DNAH5: variants seen among roughly 807,000 people sequenced by gnomAD.
The protein encoded by DNAH5 is dynein axonemal heavy chain 5.
In DNAH5, 372 loss-of-function variants were observed where a neutral mutation model predicts 518.2. That is an observed-to-expected ratio of 0.72 (90% CI 0.66 to 0.78). The LOEUF (loss-of-function observed/expected upper bound fraction) is 0.78, where lower values mean the gene tolerates loss of function less well. Ranked by LOEUF, DNAH5 falls within the 30% of genes least tolerant of loss-of-function variation. The pLI, the probability that DNAH5 is intolerant of heterozygous loss-of-function variation, is 0.00. For missense variants in DNAH5, 5,523 were observed against 5,687.0 expected (o/e 0.97, Z 0.93); for synonymous variants, 2,039 against 2,025.9 (o/e 1.01, Z -0.17).
At chr5:13,904,267 T>G (rs1336581494) in intron 12 of DNAH5, among the ~76,000 whole-genome samples, 1 of 150,782 alleles carries the variant, frequency 6.6e-6, no homozygotes, top group Admixed American at 6.6e-5. Flanking sequence ...AAAACAACAA[T>G]CAATGTAAAT....
rs183855834 is a variant in DNAH5 at position 13,717,136 on chromosome 5, T to G, written c.12705+179A>C. ...TGAGAAATAAAATAATAATCAAAATTTGATCAATTTTTCCTGAAATCAAGA... is the reference window on the plus strand; with the variant it reads ...TGAGAAATAAAATAATAATCAAAATGTGATCAATTTTTCCTGAAATCAAGA... On this transcript the variant is annotated intron_variant, in intron 73 of 78. Transcript: ENST00000265104. Among the ~76,000 whole-genome samples, 14 of 152,214 alleles carry G rather than the reference T, an allele frequency of 9.2e-5. 1 individual carries two copies. In the East Asian group the frequency reaches 1.4e-3, roughly 15 times the overall value.
At chr5:13,850,290 A>G (rs544785997) in intron 31 of DNAH5, among the ~76,000 whole-genome samples, 3 of 134,048 alleles carry the variant, frequency 2.2e-5, no homozygotes, top group African/African-American at 8.5e-5. Flanking sequence ...GCATGTATAT[A>G]CTAAACACTG....
intron 1 of DNAH5, among the ~76,000 whole-genome samples, chr5:13,987,918 C>T (rs767010061): frequency 6.6e-6 from 1 of 150,966 alleles, no homozygotes; most frequent in Non-Finnish European, 1.5e-5. Context: ...TCTACTTTTG[C>T]CTGTAGAAAA....
chr5:13,754,944 C>T (rs754165703), intron 61 of DNAH5, among the ~76,000 whole-genome samples: 1 of 151,828 alleles, frequency 6.6e-6, no homozygotes, highest in African/African-American at 2.4e-5. Context: ...GAGTTCAAGA[C>T]CAGCCTGACC....
chr5:13,913,597 T>C (rs1338186369), intron 11 of DNAH5, 146 bp downstream of exon 11: 1 of 977,630 alleles, frequency 1.0e-6, no homozygotes. Flanking sequence ...ACAAATCTAA[T>C]TTCTTTATTG....
chr5:13,932,019 C>A lies in DNAH5; in HGVS notation c.58-775G>T, dbSNP rs530986515. 7.2e-5 allele frequency: 11 copies of A among 152,368 alleles called. No homozygotes were observed. The East Asian group carries it at 2.1e-3, about 29-fold the overall frequency. The allele number at this position is 152,368 out of a possible 1,614,324, so 9.4% of individuals were successfully genotyped here. A position where few individuals can be genotyped will look rare whatever the true frequency, so the allele number is the denominator to read the frequency against. On this transcript the variant is annotated intron_variant, in intron 1 of 78. Coordinates refer to ENST00000265104, the MANE Select transcript of DNAH5 (RefSeq NM_001369.3). ...ACTGGTAGACGTTCAGCTTCCAATTCATTCTTGGAATAATACATTACCTTT... is the reference window on the plus strand; with the variant it reads ...ACTGGTAGACGTTCAGCTTCCAATTAATTCTTGGAATAATACATTACCTTT...
Position 13,844,862 on chromosome 5 carries a change from A to G in DNAH5, c.5246T>C (p.Ile1749Thr), listed in dbSNP as rs770108485. 9 of 1,614,214 alleles carry G rather than the reference A, an allele frequency of 5.6e-6. No individual in the cohort carries two copies. In the Admixed American group the frequency reaches 8.3e-5, roughly 15 times the overall value. Residue 1749 changes from isoleucine (I) to threonine (T), a missense_variant, in exon 32 of 79, where the codon ATT becomes ACT. Transcript: ENST00000265104. ...CTTTTCGTGGAACTTGACAGATTTA[A>G]TGTTGTCAAACACATTCAGCAAATG... The part of the protein sequence containing the change: ...QAHLLNVFDN[I>T]KSVKFHEKIY...
intron 1 of DNAH5, among the ~76,000 whole-genome samples, chr5:13,943,390 A>C: frequency 6.6e-6 from 1 of 152,202 alleles, no homozygotes; most frequent in Non-Finnish European, 1.5e-5. Flanking sequence ...ACATCGAAGG[A>C]AAGTGCTGAC....
intron 24 of DNAH5, 46 bp downstream of exon 24, chr5:13,870,721 C>T: frequency 6.5e-7 from 1 of 1,527,846 alleles, no homozygotes; most frequent in Non-Finnish European, 9.0e-7. Flanking sequence ...TAATAGCATC[C>T]AACATGTAGA....
Position 13,817,518 on chromosome 5 carries a change from C to G in DNAH5, c.6988+30G>C, listed in dbSNP as rs190880886. The stretch of plus-strand genomic sequence containing the variant: ...CAAGGATTCTATCTAGAAGTATAAT[C>G]AAAAATAATCCTTGTAATTTATCTT... On this transcript the variant is annotated intron_variant, in intron 42 of 78. Coordinates refer to ENST00000265104, the MANE Select transcript of DNAH5 (RefSeq NM_001369.3). 18 of 1,608,430 alleles carry G rather than the reference C, an allele frequency of 1.1e-5. No homozygotes were observed. The Admixed American group carries it at 3.0e-4, about 27-fold the overall frequency.
Position 13,862,649 on chromosome 5 carries a change from A to T in DNAH5, c.4695T>A (p.Phe1565Leu). Residue 1565 changes from phenylalanine to leucine, a missense_variant, in exon 29 of 79, where the codon TTT becomes TTA. By Grantham distance (22) the Phe-to-Leu change is conservative. This residue lies in a region of DNAH5 where 5,121 missense variants were observed against 5,223.3 expected (regional missense o/e 0.98). Transcript: ENST00000265104. ...WDNKTFTFGS[F>L]KTRGELLLRG... ...TCAAGAGGAGCTCTCCACGGGTTTTAAAGCTGCCGAAGGTGAATGTTTTAT... is the reference window on the plus strand; with the variant it reads ...TCAAGAGGAGCTCTCCACGGGTTTTTAAGCTGCCGAAGGTGAATGTTTTAT... 6.2e-7 allele frequency: 1 copy of T among 1,613,938 alleles called. No individual in the cohort carries two copies.
intron 1 of DNAH5, among the ~76,000 whole-genome samples, chr5:13,955,774 C>A (rs1019091696): frequency 6.6e-6 from 1 of 152,058 alleles, no homozygotes; most frequent in Admixed American, 6.5e-5. Context: ...GTTTGTCCTA[C>A]GGAAGGTTTT....
At chr5:13,842,446 A>AGAAG (rs1765362172) in intron 32 of DNAH5, among the ~76,000 whole-genome samples, 1 of 113,824 alleles carries the variant, frequency 8.8e-6, no homozygotes, top group Non-Finnish European at 1.8e-5. Context: ...AAAGAAAGAA[A>AGAAG]GAAAGAAAGA....
chr5:13,888,439 C>T (rs1314133073), intron 17 of DNAH5, among the ~76,000 whole-genome samples: 3 of 152,186 alleles, frequency 2.0e-5, no homozygotes, highest in Non-Finnish European at 4.4e-5. Flanking sequence ...CAAATCTAAC[C>T]GTAGAAGTCA....
rs148707325 is a variant in DNAH5 at position 13,710,588 on chromosome 5, G to C, written c.13126-2253C>G. 8.8e-3 allele frequency among the ~76,000 whole-genome samples: 1,343 copies of C among 152,168 alleles called. 27 individuals are homozygous for C. Among genetic ancestry groups the C allele is most frequent in the African/African-American group, 0.031 (1,281 of 41,528 alleles). On this transcript the variant is annotated intron_variant, in intron 75 of 78. Transcript: ENST00000265104. ...AAAAGAAACAAAAAGCTGGTTCTTTGAAAAGATAAATAAAATAGATAGACC... is the reference window on the plus strand; with the variant it reads ...AAAAGAAACAAAAAGCTGGTTCTTTCAAAAGATAAATAAAATAGATAGACC...
intron 1 of DNAH5, among the ~76,000 whole-genome samples, chr5:13,966,574 T>C (rs1055090327): frequency 1.3e-5 from 2 of 152,262 alleles, no homozygotes; most frequent in Non-Finnish European, 1.5e-5. Context: ...TAAAGTGGTA[T>C]CACATTGTGG....
chr5:13,694,232 G>A (rs1308293508), intron 78 of DNAH5, among the ~76,000 whole-genome samples: 1 of 152,064 alleles, frequency 6.6e-6, no homozygotes, highest in African/African-American at 2.4e-5. Context: ...TCAATAAGCA[G>A]GTAAAAATAA....
At chr5:13,782,328 C>T (rs1007976778) in intron 52 of DNAH5, among the ~76,000 whole-genome samples, 2 of 152,248 alleles carry the variant, frequency 1.3e-5, no homozygotes, top group African/African-American at 2.4e-5. Flanking sequence ...TGAAAATATG[C>T]CTGGTTTTGA....
intron 1 of DNAH5, among the ~76,000 whole-genome samples, chr5:13,976,122 T>C (rs1013361875): frequency 5.3e-5 from 8 of 152,230 alleles, no homozygotes; most frequent in South Asian, 2.1e-4. Flanking sequence ...CAAGCACACT[T>C]TGTCCTAGAT....
Sources: allele counts gnomAD v4.1 joint callset (sites outside exome capture counted in the v4.1 genomes callset), GRCh38; gene constraint gnomAD v4.1.1; regional missense constraint gnomAD v4.1.1; transcripts MANE v1.5; gene names NCBI Gene and HGNC (gene_info 2026-07-23, HGNC 2026-07-21).